ZNF469: variants seen among roughly 807,000 people sequenced by gnomAD.
The protein encoded by ZNF469 is zinc finger protein 469.
A neutral mutation model predicts 1.0 loss-of-function variants in ZNF469; 1 was observed. That is an observed-to-expected ratio of 1.00 (90% CI 0.35 to 4.73). ZNF469 has a LOEUF of 4.73. ZNF469 is among the 30% of genes most tolerant of loss of function. ZNF469 has a pLI of 0.16. For synonymous variants in ZNF469, 2,703 were observed against 2,363.4 expected (o/e 1.14, Z -4.17); for missense variants, 6,100 against 5,356.3 (o/e 1.14, Z -4.33).
chr16:88,258,758 GC>G, the ZNF469 span, among the ~76,000 whole-genome samples: 1 of 152,196 alleles, frequency 6.6e-6, no homozygotes, highest in South Asian at 2.1e-4. Flanking sequence ...AGAAAACGCA[GC>G]CCCAGCCTCA....
the ZNF469 span, among the ~76,000 whole-genome samples, chr16:88,104,214 G>A: frequency 6.8e-6 from 1 of 148,034 alleles, no homozygotes; most frequent in African/African-American, 2.5e-5. Flanking sequence ...AGGACTGTCC[G>A]ATGGGGACGT....
the ZNF469 span, among the ~76,000 whole-genome samples, chr16:88,144,277 G>A: frequency 6.6e-6 from 1 of 152,206 alleles, no homozygotes; most frequent in Admixed American, 6.5e-5. Context: ...TCTGTTTGTT[G>A]ATTGGGTCAC....
At chr16:88,106,210 C>T in the ZNF469 span, among the ~76,000 whole-genome samples, 4,312 of 152,330 alleles carry the variant, frequency 0.028, 214 homozygotes, top group African/African-American at 0.098. Flanking sequence ...CCCGCGCCCC[C>T]ACACCCTGGA....
At chr16:88,214,578 A>T in the ZNF469 span, among the ~76,000 whole-genome samples, 5 of 152,058 alleles carry the variant, frequency 3.3e-5, no homozygotes, top group Non-Finnish European at 7.3e-5. Flanking sequence ...ATAGGTATAC[A>T]CGTGCCATGG....
At chr16:88,392,961 C>G (rs1387912266) in intron 1 of ZNF469, among the ~76,000 whole-genome samples, 1 of 152,256 alleles carries the variant, frequency 6.6e-6, no homozygotes, top group African/African-American at 2.4e-5. Context: ...GACTGTCACC[C>G]AGCTCTTTGA....
chr16:88,124,831 G>A, the ZNF469 span, among the ~76,000 whole-genome samples: 15 of 152,180 alleles, frequency 9.9e-5, no homozygotes, highest in Admixed American at 3.9e-4. Flanking sequence ...TGATCCACCC[G>A]TCTCAGTGTT....
the ZNF469 span, among the ~76,000 whole-genome samples, chr16:88,210,235 G>A: frequency 5.3e-5 from 8 of 151,842 alleles, no homozygotes; most frequent in Non-Finnish European, 1.2e-4. Context: ...TTCCTATTGG[G>A]TCTTTGGTCA....
At chr16:88,325,204 G>C in the ZNF469 span, among the ~76,000 whole-genome samples, 37,632 of 99,388 alleles carry the variant, frequency 0.38, 5,311 homozygotes, top group Middle Eastern at 0.5. Flanking sequence ...CCAGGTGGTC[G>C]CGACAGCAGC....
chr16:88,256,931 T>TTTCC, the ZNF469 span, among the ~76,000 whole-genome samples: 1 of 3,236 alleles, frequency 3.1e-4, no homozygotes, highest in Non-Finnish European at 1.5e-3. Context: ...TCTTTCTTTC[T>TTTCC]TTCTTTCTTT....
At chr16:88,104,290 G>A in the ZNF469 span, among the ~76,000 whole-genome samples, 604 of 149,538 alleles carry the variant, frequency 4.0e-3, 3 homozygotes, top group African/African-American at 0.014. Flanking sequence ...ATTGAGATAC[G>A]CTTCACATAC....
At chr16:88,398,001 C>T (rs570132120) in intron 1 of ZNF469, among the ~76,000 whole-genome samples, 8 of 152,330 alleles carry the variant, frequency 5.3e-5, no homozygotes, top group Middle Eastern at 3.4e-3. Context: ...TGGTGCAGGT[C>T]CTCTTCAGCC....
chr16:88,144,561 G>A, the ZNF469 span, among the ~76,000 whole-genome samples: 2 of 152,218 alleles, frequency 1.3e-5, no homozygotes, highest in East Asian at 1.9e-4. Flanking sequence ...GACAGATGAG[G>A]TCACAGACGC....
At chr16:88,223,659 C>T in the ZNF469 span, among the ~76,000 whole-genome samples, 17 of 152,162 alleles carry the variant, frequency 1.1e-4, no homozygotes, top group Admixed American at 6.5e-4. Context: ...GTGCGTGGGG[C>T]GTCCCTGTTT....
chr16:88,181,522 C>T, the ZNF469 span, among the ~76,000 whole-genome samples: 2 of 152,090 alleles, frequency 1.3e-5, no homozygotes, highest in Non-Finnish European at 2.9e-5. Context: ...TAGTATGTCT[C>T]TTCAAATATT....
chr16:88,249,429 C>CTTTTT, the ZNF469 span, among the ~76,000 whole-genome samples: 29 of 63,596 alleles, frequency 4.6e-4, no homozygotes, highest in East Asian at 2.4e-3. Flanking sequence ...TTTTCTTTTT[C>CTTTTT]TTTTTTTTTT....
the ZNF469 span, among the ~76,000 whole-genome samples, chr16:88,315,362 C>T: frequency 1.6e-4 from 24 of 152,242 alleles, no homozygotes; most frequent in Non-Finnish European, 3.4e-4. Flanking sequence ...GCCACACATG[C>T]ACACAGACCC....
At chr16:88,325,099 G>T in the ZNF469 span, among the ~76,000 whole-genome samples, 4 of 135,586 alleles carry the variant, frequency 3.0e-5, no homozygotes, top group Non-Finnish European at 3.3e-5. Context: ...TCCAGCTGCG[G>T]CATACTCAGG....
the ZNF469 span, among the ~76,000 whole-genome samples, chr16:88,358,616 G>A: frequency 6.6e-6 from 1 of 152,170 alleles, no homozygotes; most frequent in Non-Finnish European, 1.5e-5. Flanking sequence ...TGCCTCTCTT[G>A]CAGAGAACGC....
At chr16:88,426,778 A>G (rs1173787613) in intron 2 of ZNF469, among the ~76,000 whole-genome samples, 3 of 152,110 alleles carry the variant, frequency 2.0e-5, no homozygotes, top group South Asian at 2.1e-4. Context: ...GGCTGACGGC[A>G]GGGGAGTCCC....
Sources: allele counts gnomAD v4.1 joint callset (sites outside exome capture counted in the v4.1 genomes callset), GRCh38; gene constraint gnomAD v4.1.1; transcripts MANE v1.5; gene names NCBI Gene and HGNC (gene_info 2026-07-23, HGNC 2026-07-21).